PLD1: variants seen among roughly 807,000 people sequenced by gnomAD.
The protein encoded by PLD1 is choline phosphatase 1.
PLD1 carries 112 observed loss-of-function variants against 137.1 expected under a neutral mutation model. The observed-to-expected ratio is 0.82, with a 90% CI of 0.70 to 0.96. The LOEUF is 0.96. Ranked by LOEUF, PLD1 falls within the 40% of genes least tolerant of loss-of-function variation. PLD1 has a pLI of 0.00. For missense variants in PLD1, 1,321 were observed against 1,342.0 expected (o/e 0.98, Z 0.24); for synonymous variants, 431 against 454.7 (o/e 0.95, Z 0.66).
At chr3:171,713,850 G>C in intron 9 of PLD1, 43 bp downstream of exon 9, 1 of 1,518,754 alleles carries the variant, frequency 6.6e-7, no homozygotes, top group Non-Finnish European at 9.0e-7. Flanking sequence ...ATGTTTTTAA[G>C]GCATTTTTGT....
At chr3:171,781,971 C>T (rs1249473131) in intron 1 of PLD1, among the ~76,000 whole-genome samples, 5 of 152,124 alleles carry the variant, frequency 3.3e-5, no homozygotes, top group Non-Finnish European at 5.9e-5. Context: ...GGCATCCACC[C>T]GTAGAAAAAT....
At chr3:171,697,230 C>T (rs1009709777) in intron 12 of PLD1, among the ~76,000 whole-genome samples, 22 of 146,806 alleles carry the variant, frequency 1.5e-4, no homozygotes, top group Non-Finnish European at 2.4e-4. Flanking sequence ...AGTCACCTTC[C>T]GGACACCTTT....
intron 23 of PLD1, 81 bp downstream of exon 23, chr3:171,642,759 C>T (rs1735874162): frequency 1.3e-6 from 1 of 771,546 alleles, no homozygotes; most frequent in Non-Finnish European, 2.2e-6. Flanking sequence ...TCTATAATCA[C>T]ACTGTGAAAA....
At position 171,638,168 on chromosome 3, in the gene PLD1, G is replaced by C. The variant is rs549875422; in HGVS notation, c.2593+4672C>G. 5.9e-5 allele frequency among the ~76,000 whole-genome samples: 8 copies of C among 135,090 alleles called. No homozygotes were observed. In the East Asian group the frequency reaches 1.3e-3, roughly 22 times the overall value. The allele number at this position is 135,090 out of a possible 152,430, so 88.6% of individuals were successfully genotyped here. A position where few individuals can be genotyped will look rare whatever the true frequency, so the allele number is the denominator to read the frequency against. ...CCACTGCACTCCAGCCTGGGCGACAGAGCGAGACTCCGTCTCAAAAAAAAA... is the reference window on the plus strand; with the variant it reads ...CCACTGCACTCCAGCCTGGGCGACACAGCGAGACTCCGTCTCAAAAAAAAA... On this transcript the variant is annotated intron_variant, in intron 23 of 26. Transcript: ENST00000351298.
At chr3:171,749,433 G>A (rs186418781) in intron 1 of PLD1, among the ~76,000 whole-genome samples, 7 of 152,288 alleles carry the variant, frequency 4.6e-5, no homozygotes, top group East Asian at 1.9e-4. Flanking sequence ...GCATCCCTGG[G>A]AAGAAACTAC....
At chr3:171,617,734 A>G (rs1733242302) in intron 24 of PLD1, among the ~76,000 whole-genome samples, 1 of 152,186 alleles carries the variant, frequency 6.6e-6, no homozygotes, top group Non-Finnish European at 1.5e-5. Context: ...GCTATGCACA[A>G]AAGAGATCTT....
intron 6 of PLD1, among the ~76,000 whole-genome samples, chr3:171,731,218 G>A (rs1718916991): frequency 6.6e-6 from 1 of 152,066 alleles, no homozygotes. Flanking sequence ...TTATATACAT[G>A]TTAAAATAAC....
intron 8 of PLD1, among the ~76,000 whole-genome samples, chr3:171,720,482 C>T (rs1230272837): frequency 6.6e-6 from 1 of 151,460 alleles, no homozygotes; most frequent in East Asian, 1.9e-4. Context: ...CTCGGAGAGC[C>T]TGAGGCAGGA....
intron 1 of PLD1, among the ~76,000 whole-genome samples, chr3:171,803,213 C>A (rs1372427420): frequency 2.0e-5 from 3 of 152,170 alleles, no homozygotes; most frequent in East Asian, 3.8e-4. Context: ...AGACTTGTAC[C>A]AGACCAGATC....
chr3:171,645,166 A>C, intron 21 of PLD1, 143 bp from the exon 22 acceptor site: 1 of 647,892 alleles, frequency 1.5e-6, no homozygotes, highest in Non-Finnish European at 2.8e-6. Context: ...AGGACTTGGG[A>C]GGGTGTGCTG....
chr3:171,689,558 A>G (rs949561246), intron 13 of PLD1, among the ~76,000 whole-genome samples: 1 of 151,838 alleles, frequency 6.6e-6, no homozygotes, highest in Non-Finnish European at 1.5e-5. Context: ...TGGAGTGTAG[A>G]CACGTGATCA....
At chr3:171,611,117 T>C (rs1341676101) in intron 25 of PLD1, among the ~76,000 whole-genome samples, 1 of 152,190 alleles carries the variant, frequency 6.6e-6, no homozygotes, top group Non-Finnish European at 1.5e-5. Flanking sequence ...CGAAAGGGCA[T>C]AACGCACTGA....
chr3:171,777,545 C>G (rs749534131), intron 1 of PLD1, among the ~76,000 whole-genome samples: 1 of 152,234 alleles, frequency 6.6e-6, no homozygotes, highest in East Asian at 1.9e-4. Context: ...GCCATTTTCT[C>G]TAGTTCCTAC....
intron 10 of PLD1, 100 bp downstream of exon 10, chr3:171,709,460 A>C (rs1417030038): frequency 2.1e-6 from 2 of 958,444 alleles, no homozygotes; most frequent in African/African-American, 3.3e-5. Flanking sequence ...TATAATGCAT[A>C]ATCTTTCACA....
At chr3:171,625,061 T>TA (rs146862287) in intron 23 of PLD1, among the ~76,000 whole-genome samples, 5,909 of 147,528 alleles carry the variant, frequency 0.04, 285 homozygotes, top group African/African-American at 0.12. Context: ...AAGAGAGATT[T>TA]AAAAAAAAAA....
intron 12 of PLD1, among the ~76,000 whole-genome samples, chr3:171,692,701 A>G (rs1715313246): frequency 6.6e-6 from 1 of 152,026 alleles, no homozygotes; most frequent in Non-Finnish European, 1.5e-5. Context: ...TTGTATTTCT[A>G]GTAGAGACAG....
intron 21 of PLD1, among the ~76,000 whole-genome samples, chr3:171,650,089 G>C (rs919722564): frequency 6.6e-5 from 10 of 152,196 alleles, no homozygotes; most frequent in East Asian, 1.9e-4. Flanking sequence ...TCCCGGGGTG[G>C]CACTCTCACA....
At chr3:171,799,626 A>G (rs1723568364) in intron 1 of PLD1, among the ~76,000 whole-genome samples, 1 of 152,224 alleles carries the variant, frequency 6.6e-6, no homozygotes, top group Non-Finnish European at 1.5e-5. Flanking sequence ...ACTTCTTTCC[A>G]AAGAGTACAG....
rs763439735 is a variant in PLD1 at position 171,603,240 on chromosome 3, G to A, written c.3063C>T (p.Asn1021=). 10 of 1,614,030 alleles carry A rather than the reference G, an allele frequency of 6.2e-6. No homozygotes were observed. Among genetic ancestry groups the A allele is most frequent in the Non-Finnish European group, 8.5e-6 (10 of 1,179,968 alleles). Reference sequence around the variant, plus strand: ...GATCTTCCTTAGCTAATACGGGCTTGTTTATAAAGTCTCTCAGCTGAATTA... The same window carrying A: ...GATCTTCCTTAGCTAATACGGGCTTATTTATAAAGTCTCTCAGCTGAATTA... ...HNLIQLRDFI[N]KPVLAKEDPI... Residue 1021 remains asparagine (N), a synonymous_variant, in exon 27 of 27, where the codon AAC becomes AAT. Coordinates refer to ENST00000351298, the MANE Select transcript of PLD1 (RefSeq NM_002662.5).
Sources: allele counts gnomAD v4.1 joint callset (sites outside exome capture counted in the v4.1 genomes callset), GRCh38; gene constraint gnomAD v4.1.1; transcripts MANE v1.5; gene names NCBI Gene and HGNC (gene_info 2026-07-23, HGNC 2026-07-21).